The following CSMD2 variants were observed in gnomAD, a reference collection of about 807,000 sequenced individuals.
The protein encoded by CSMD2 is CUB and Sushi multiple domains 2, also known as CUB and sushi domain-containing protein 2.
In CSMD2, 130 loss-of-function variants were observed where a neutral mutation model predicts 398.5. The ratio of observed to expected loss-of-function variants is 0.33; its 90% CI spans 0.28 to 0.38. CSMD2 has a LOEUF of 0.38. Ranked by LOEUF, CSMD2 falls within the 10% of genes least tolerant of loss-of-function variation. The pLI, the probability that CSMD2 is intolerant of heterozygous loss-of-function variation, is 1.00. For synonymous variants in CSMD2, 1,828 were observed against 1,908.5 expected (o/e 0.96, Z 1.10); for missense variants, 3,829 against 4,764.9 (o/e 0.80, Z 5.78).
chr1:33,747,364 A>T (rs1450523514), intron 13 of CSMD2, among the ~76,000 whole-genome samples: 1 of 152,256 alleles, frequency 6.6e-6, no homozygotes, highest in Admixed American at 6.5e-5. Flanking sequence ...CACAAAGAGT[A>T]AAGTTGGAGC....
chr1:33,619,814 C>G (rs1197905753), intron 37 of CSMD2, among the ~76,000 whole-genome samples: 1 of 152,134 alleles, frequency 6.6e-6, no homozygotes, highest in Non-Finnish European at 1.5e-5. Flanking sequence ...ACCCCAAGGA[C>G]AAGCATTAAA....
chr1:33,963,844 C>T (rs1407447919), intron 3 of CSMD2, among the ~76,000 whole-genome samples: 1 of 152,136 alleles, frequency 6.6e-6, no homozygotes, highest in African/African-American at 2.4e-5. Flanking sequence ...GTTTTCTGTT[C>T]TTACAAATAG....
intron 25 of CSMD2, among the ~76,000 whole-genome samples, chr1:33,682,407 C>T (rs1011685216): frequency 2.6e-5 from 4 of 152,210 alleles, no homozygotes; most frequent in African/African-American, 9.6e-5. Flanking sequence ...ACCATTCAAC[C>T]TACTACAATG....
intron 2 of CSMD2, among the ~76,000 whole-genome samples, chr1:34,053,001 A>C (rs1055950697): frequency 6.6e-6 from 1 of 152,092 alleles, no homozygotes; most frequent in Non-Finnish European, 1.5e-5. Context: ...ATGTGAGACA[A>C]GGAGTTTGGA....
In CSMD2 at chr1:33,714,775, T is replaced by C. The variant is rs778488333; in HGVS notation, c.3218A>G (p.Glu1073Gly). 2 of 1,613,692 alleles carry C rather than the reference T, an allele frequency of 1.2e-6. No homozygotes were observed. Among genetic ancestry groups the C allele is most frequent in the East Asian group, 2.2e-5 (1 of 44,844 alleles). The part of the protein sequence containing the change: ...SYEGFNITFS[E>G]YDLEPCEEPE... ...CTCCTCACAGGGCTCCAAGTCGTAC[T>C]CTGGAAAGGTAGCAGGAGATCCGGG... The change falls in exon 21 of 71, where the codon GAG becomes GGG. Residue 1073 changes from glutamate (E) to glycine (G), a missense_variant and splice_region_variant. Coordinates refer to ENST00000373381, the MANE Select transcript of CSMD2 (RefSeq NM_001281956.2).
chr1:33,748,098 A>G (rs1647635799), intron 13 of CSMD2, among the ~76,000 whole-genome samples: 1 of 152,200 alleles, frequency 6.6e-6, no homozygotes, highest in Non-Finnish European at 1.5e-5. Context: ...TAGAACAAGA[A>G]TGTGGCCTTA....
At chr1:34,125,646 A>C (rs766996033) in intron 1 of CSMD2, among the ~76,000 whole-genome samples, 65 of 152,116 alleles carry the variant, frequency 4.3e-4, no homozygotes, top group Non-Finnish European at 8.5e-4. Context: ...GGAAGTAAGG[A>C]CTGTGTTATT....
intron 2 of CSMD2, among the ~76,000 whole-genome samples, chr1:34,084,909 T>A (rs1558358181): frequency 6.6e-6 from 1 of 152,234 alleles, no homozygotes; most frequent in Non-Finnish European, 1.5e-5. Flanking sequence ...TAAATCATGC[T>A]GCTGTAAAGA....
intron 3 of CSMD2, among the ~76,000 whole-genome samples, chr1:33,990,496 C>G (rs1240352041): frequency 6.6e-6 from 1 of 152,140 alleles, no homozygotes; most frequent in Non-Finnish European, 1.5e-5. Flanking sequence ...CCTCACCCCA[C>G]ACTTTCTGCA....
At position 33,810,785 on chromosome 1, in the gene CSMD2, A is replaced by C. The variant is rs1409083584; in HGVS notation, c.1404T>G (p.Asn468Lys). ...SPNFPIQYDN[N>K]AHCVWIITAL... ...CTGTGATGATCCACACACAGTGTGCATTGTTGTCATACTGAATGGGGAAAT... is the reference window on the plus strand; with the variant it reads ...CTGTGATGATCCACACACAGTGTGCCTTGTTGTCATACTGAATGGGGAAAT... The change falls in exon 10 of 71, where the codon AAT becomes AAG. Residue 468 changes from asparagine to lysine, a missense_variant. Asn to Lys is a moderately conservative substitution (Grantham distance 94). Transcript: ENST00000373381. 6.2e-7 allele frequency: 1 copy of C among 1,612,986 alleles called. No individual in the cohort carries two copies. The highest frequency in any genetic ancestry group is 8.5e-7 in the Non-Finnish European group (1 of 1,179,512).
chr1:33,623,428 G>T lies in CSMD2; in HGVS notation c.5664C>A (p.Asp1888Glu), dbSNP rs1641899179. Residue 1888 changes from aspartate (D) to glutamate (E), a missense_variant, in exon 36 of 71, where the codon GAC (aspartate) becomes GAA (glutamate). By Grantham distance (45) the Asp-to-Glu change is conservative. Around this residue, in one of 5 missense-constraint regions of CSMD2, gnomAD observed 2,001 missense variants for 2,567.1 expected, o/e 0.78. Transcript: ENST00000373381. ...CTGCACCATCAAATACTTCCAGCGAGTCCCAGTTCTGCTCTGTCACAAAAC... is the reference window on the plus strand; with the variant it reads ...CTGCACCATCAAATACTTCCAGCGATTCCCAGTTCTGCTCTGTCACAAAAC... ...VVSFVTEQNW[D>E]SLEVFDGADN... is the part of the protein sequence containing the mutation. 1 of 1,614,056 alleles carries T rather than the reference G, an allele frequency of 6.2e-7. No individual in the cohort carries two copies. Among genetic ancestry groups the T allele is most frequent in the Admixed American group, 1.7e-5 (1 of 60,012 alleles).
intron 3 of CSMD2, among the ~76,000 whole-genome samples, chr1:33,991,030 T>G (rs1646536709): frequency 6.6e-6 from 1 of 151,638 alleles, no homozygotes; most frequent in South Asian, 2.1e-4. Flanking sequence ...TTTTTTCCTC[T>G]TTTTTAGAGA....
Position 33,726,628 on chromosome 1 carries a change from G to A in CSMD2, c.2426C>T (p.Pro809Leu). 1 of 1,613,610 alleles carries A rather than the reference G, an allele frequency of 6.2e-7. No individual in the cohort carries two copies. Among genetic ancestry groups the A allele is most frequent in the South Asian group, 1.1e-5 (1 of 91,020 alleles). The change falls in exon 16 of 71, where the codon CCT (proline) becomes CTT (leucine). Residue 809 changes from proline to leucine, a missense_variant. Physicochemically the swap from Pro to Leu is moderately conservative, Grantham distance 98. Around this residue, in one of 5 missense-constraint regions of CSMD2, gnomAD observed 2,001 missense variants for 2,567.1 expected, o/e 0.78. Coordinates refer to ENST00000373381, the MANE Select transcript of CSMD2 (RefSeq NM_001281956.2). The stretch of plus-strand genomic sequence containing the variant: ...GCTCAAGGCATCCTTGTAGAAGCCA[G>A]GCCAGCCCGGAGAGAGGATGGTGCC... ...PSGTILSPGW[P>L]GFYKDALSCA... is the part of the protein sequence containing the mutation.
chr1:34,041,992 T>TA (rs1275676786), intron 2 of CSMD2, among the ~76,000 whole-genome samples: 1 of 152,202 alleles, frequency 6.6e-6, no homozygotes, highest in Non-Finnish European at 1.5e-5. Flanking sequence ...AGGAGGAACA[T>TA]ACCTGGTTGA....
At chr1:33,990,367 G>T (rs1357827477) in intron 3 of CSMD2, among the ~76,000 whole-genome samples, 5 of 152,166 alleles carry the variant, frequency 3.3e-5, no homozygotes, top group Non-Finnish European at 7.3e-5. Context: ...CTATTCATGG[G>T]CTGTGAGCTC....
intron 14 of CSMD2, among the ~76,000 whole-genome samples, chr1:33,739,722 A>G (rs1478156978): frequency 1.3e-5 from 2 of 152,180 alleles, no homozygotes; most frequent in African/African-American, 4.8e-5. Context: ...TGTCAAATCC[A>G]TTCCAAGATT....
intron 10 of CSMD2, among the ~76,000 whole-genome samples, chr1:33,805,637 G>T (rs936830778): frequency 5.9e-5 from 9 of 152,090 alleles, no homozygotes; most frequent in Non-Finnish European, 1.3e-4. Flanking sequence ...AGTAATTAAG[G>T]TTAAATAAGG....
chr1:34,095,616 A>G (rs1389974009), intron 1 of CSMD2, among the ~76,000 whole-genome samples: 1 of 152,050 alleles, frequency 6.6e-6, no homozygotes, highest in Non-Finnish European at 1.5e-5. Flanking sequence ...CTACCATCAG[A>G]GAATACTACA....
chr1:33,678,357 T>G (rs1399172830), intron 25 of CSMD2, among the ~76,000 whole-genome samples: 2 of 137,448 alleles, frequency 1.5e-5, no homozygotes, highest in Non-Finnish European at 3.2e-5. Context: ...AATGAGAAAA[T>G]AAAAAAAATT....
Sources: gnomAD v4.1 joint callset for allele counts (sites outside exome capture counted in the v4.1 genomes callset) on GRCh38, gnomAD v4.1.1 for gene constraint, gnomAD v4.1.1 regional missense constraint, MANE v1.5 for transcripts, NCBI Gene and HGNC (gene_info 2026-07-23, HGNC 2026-07-21) for gene names.